The following WDR88 variants were observed in gnomAD, a reference collection of about 807,000 sequenced individuals.
WDR88 encodes the protein WD repeat-containing protein 88.
WDR88 carries 40 observed loss-of-function variants against 46.8 expected under a neutral mutation model. The ratio of observed to expected loss-of-function variants is 0.86; its 90% CI spans 0.66 to 1.11. The LOEUF is 1.11. Ranked by LOEUF, WDR88 falls within the 50% of genes most tolerant of loss-of-function variation. The pLI, the probability that WDR88 is intolerant of heterozygous loss-of-function variation, is 0.00. For synonymous variants in WDR88, 235 were observed against 240.7 expected, an observed-to-expected ratio of 0.98 and a Z score of 0.22; for missense variants, 562 against 602.4, an observed-to-expected ratio of 0.93 and a Z score of 0.70.
At position 33,160,440 on chromosome 19, in the gene WDR88, G is replaced by A; in HGVS notation, c.1024G>A (p.Asp342Asn). ...CTCTTTTCTCATTTCTGGAGGGTTT[G>A]ATAGGACTGTGGCTATTTGGGATGT... ...DSSFLISGGF[D>N]RTVAIWDVAE... The change falls in exon 8 of 11, where the codon GAT becomes AAT. Residue 342 changes from aspartate (D) to asparagine (N), a missense_variant. Asp to Asn is a conservative substitution (Grantham distance 23). Transcript: ENST00000355868. 6.2e-7 allele frequency: 1 copy of A among 1,614,210 alleles called. No individual in the cohort carries two copies. Among genetic ancestry groups the A allele is most frequent in the Non-Finnish European group, 8.5e-7 (1 of 1,180,046 alleles).
At chr19:33,157,518 T>G (rs1481524682) in intron 7 of WDR88, among the ~76,000 whole-genome samples, 1 of 85,648 alleles carries the variant, frequency 1.2e-5, no homozygotes, top group East Asian at 5.9e-4. Context: ...TATATGTATA[T>G]ATATGTGTAT....
chr19:33,152,606 CT>C (rs886126036), intron 6 of WDR88, among the ~76,000 whole-genome samples: 2 of 151,972 alleles, frequency 1.3e-5, no homozygotes, highest in East Asian at 3.9e-4. Context: ...AACTTCATTC[CT>C]TTTTTTTCCT....
At chr19:33,135,397 A>G (rs1377362108) in intron 1 of WDR88, among the ~76,000 whole-genome samples, 1 of 152,102 alleles carries the variant, frequency 6.6e-6, no homozygotes, top group Non-Finnish European at 1.5e-5. Flanking sequence ...TTACCAAGTA[A>G]TATTCTGTTG....
intron 3 of WDR88, among the ~76,000 whole-genome samples, chr19:33,146,183 G>A (rs531342145): frequency 6.6e-6 from 1 of 152,194 alleles, no homozygotes; most frequent in Non-Finnish European, 1.5e-5. Context: ...TGTAATCCCA[G>A]CTACTCGGAG....
chr19:33,175,727 C>A lies in WDR88; in HGVS notation c.*155C>A. On this transcript the variant is annotated 3_prime_UTR_variant, in exon 11 of 11. Coordinates refer to ENST00000355868, the MANE Select transcript of WDR88 (RefSeq NM_173479.4). Reference sequence around the variant, plus strand: ...CCTGGCTGGACTCAGCACAGTGCCACCTCCTCAGCTCTCAGCTTGGGGAGT... The same window carrying A: ...CCTGGCTGGACTCAGCACAGTGCCAACTCCTCAGCTCTCAGCTTGGGGAGT... 4 of 746,170 alleles carry A rather than the reference C, an allele frequency of 5.4e-6. No individual in the cohort carries two copies. The highest frequency in any genetic ancestry group is 4.4e-6 in the Non-Finnish European group (2 of 458,644). 46.2% of individuals were successfully genotyped at this position (746,170 alleles called of 1,614,324 possible).
At chr19:33,147,081 G>GAA (rs1160634927) in intron 3 of WDR88, among the ~76,000 whole-genome samples, 1 of 150,654 alleles carries the variant, frequency 6.6e-6, no homozygotes, top group African/African-American at 2.4e-5. Flanking sequence ...AAGAGAGAGA[G>GAA]AAAAAAATAG....
chr19:33,169,748 C>T (rs771603926), intron 9 of WDR88, among the ~76,000 whole-genome samples: 13 of 151,764 alleles, frequency 8.6e-5, no homozygotes, highest in Non-Finnish European at 1.3e-4. Flanking sequence ...TCCCAGCACT[C>T]CAAAAGTGTT....
chr19:33,175,212 G>C (rs568850548), intron 10 of WDR88, among the ~76,000 whole-genome samples, 184 bp from the exon 11 acceptor site: 12 of 151,930 alleles, frequency 7.9e-5, no homozygotes, highest in African/African-American at 2.9e-4. Flanking sequence ...TCCAGCCTGG[G>C]CAACAAAGTG....
At chr19:33,156,676 C>CA in intron 7 of WDR88, 134 bp downstream of exon 7, 6 of 1,042,658 alleles carry the variant, frequency 5.8e-6, no homozygotes, top group Non-Finnish European at 6.7e-6. Flanking sequence ...CCCACGAGAA[C>CA]AAAAAACCCA....
intron 9 of WDR88, 113 bp downstream of exon 9, chr19:33,164,378 G>A (rs1050323425): frequency 3.1e-5 from 29 of 927,196 alleles, no homozygotes; most frequent in African/African-American, 9.8e-5. Flanking sequence ...GTACCTGACC[G>A]GGCCATCGTG....
At chr19:33,171,018 C>G (rs901810122) in intron 9 of WDR88, among the ~76,000 whole-genome samples, 22 of 152,122 alleles carry the variant, frequency 1.4e-4, no homozygotes, top group Non-Finnish European at 5.9e-5. Flanking sequence ...CAGAGTCTCG[C>G]TCTGTCACCC....
chr19:33,140,264 C>T (rs575490249), intron 2 of WDR88, among the ~76,000 whole-genome samples: 32 of 152,286 alleles, frequency 2.1e-4, no homozygotes, highest in Middle Eastern at 3.4e-3. Flanking sequence ...AAGCAATCCC[C>T]CCATCTCAAC....
chr19:33,134,719 C>T (rs1599875824), intron 1 of WDR88, among the ~76,000 whole-genome samples: 1 of 152,044 alleles, frequency 6.6e-6, no homozygotes, highest in Non-Finnish European at 1.5e-5. Flanking sequence ...GAGAAAAGCC[C>T]GGTCCCAGCT....
At chr19:33,163,973 T>C (rs1475991529) in intron 8 of WDR88, among the ~76,000 whole-genome samples, 2 of 151,528 alleles carry the variant, frequency 1.3e-5, no homozygotes, top group South Asian at 2.1e-4. Context: ...TTCTTGACTT[T>C]TTGTTGTTTT....
intron 9 of WDR88, among the ~76,000 whole-genome samples, chr19:33,172,101 C>G (rs542372332): frequency 1.3e-5 from 2 of 152,174 alleles, no homozygotes; most frequent in Non-Finnish European, 2.9e-5. Context: ...TCCTCCTCTT[C>G]CCTATAATCC....
Position 33,160,440 on chromosome 19 carries a change from G to C in WDR88, c.1024G>C (p.Asp342His), listed in dbSNP as rs1973845950. Reference protein sequence around the residue: ...DSSFLISGGFDRTVAIWDVAE... With the variant: ...DSSFLISGGFHRTVAIWDVAE... ...CTCTTTTCTCATTTCTGGAGGGTTTGATAGGACTGTGGCTATTTGGGATGT... is the reference window on the plus strand; with the variant it reads ...CTCTTTTCTCATTTCTGGAGGGTTTCATAGGACTGTGGCTATTTGGGATGT... Residue 342 changes from aspartate to histidine, a missense_variant, in exon 8 of 11, where the codon GAT becomes CAT. Physicochemically the swap from Asp to His is moderately conservative, Grantham distance 81. Coordinates refer to ENST00000355868, the MANE Select transcript of WDR88 (RefSeq NM_173479.4). 1.9e-6 allele frequency: 3 copies of C among 1,614,092 alleles called. No homozygotes were observed. The highest frequency in any genetic ancestry group is 2.5e-6 in the Non-Finnish European group (3 of 1,180,054).
At chr19:33,134,607 C>T (rs889571245) in intron 1 of WDR88, among the ~76,000 whole-genome samples, 6 of 151,992 alleles carry the variant, frequency 3.9e-5, no homozygotes, top group African/African-American at 1.4e-4. Flanking sequence ...GCGGGAGGGC[C>T]GCGCAGGTCA....
chr19:33,143,908 A>G (rs3848594), intron 2 of WDR88, among the ~76,000 whole-genome samples: 78,176 of 151,892 alleles, frequency 0.51, 22,596 homozygotes, highest in African/African-American at 0.76. Flanking sequence ...CATCTCCTTT[A>G]TTTTCCAACT....
intron 8 of WDR88, among the ~76,000 whole-genome samples, chr19:33,161,262 A>G (rs1162631913): frequency 6.6e-6 from 1 of 152,130 alleles, no homozygotes; most frequent in Admixed American, 6.6e-5. Context: ...TGGGGTTCCA[A>G]AATGGGGATG....
Sources: allele counts gnomAD v4.1 joint callset (sites outside exome capture counted in the v4.1 genomes callset), GRCh38; gene constraint gnomAD v4.1.1; transcripts MANE v1.5; gene names NCBI Gene and HGNC (gene_info 2026-07-23, HGNC 2026-07-21).